The following GATAD1 variants were observed in gnomAD, a reference collection of about 807,000 sequenced individuals.
GATAD1 encodes the protein GATA zinc finger domain-containing protein 1.
Under a neutral mutation model 26.5 loss-of-function variants are expected in GATAD1, and 12 were observed. The observed-to-expected ratio is 0.45, with a 90% confidence interval of 0.29 to 0.73. The LOEUF is 0.73. Ranked by LOEUF, GATAD1 falls within the 30% of genes least tolerant of loss-of-function variation. The probability of loss-of-function intolerance (pLI) is 0.10; values close to 1 mark genes in which losing one functional copy is unlikely to be tolerated. For missense variants in GATAD1, 266 were observed against 342.1 expected (o/e 0.78, Z 1.75); for synonymous variants, 129 against 133.1 (o/e 0.97, Z 0.21).
chr7:92,462,001 A>G (rs1293091607), downstream of GATAD1, among the ~76,000 whole-genome samples: 2 of 152,182 alleles, frequency 1.3e-5, no homozygotes, highest in African/African-American at 4.8e-5. Flanking sequence ...GGGACACCCT[A>G]TCCAGCTGGT....
chr7:92,487,550 A>G, the GATAD1 span: 1 of 1,381,142 alleles, frequency 7.2e-7, no homozygotes, highest in Non-Finnish European at 1.0e-6. Flanking sequence ...ATCTGAAAAA[A>G]GAAAGAGATA....
chr7:92,467,504 G>A, the GATAD1 span, among the ~76,000 whole-genome samples: 1 of 152,224 alleles, frequency 6.6e-6, no homozygotes, highest in Non-Finnish European at 1.5e-5. Context: ...GAGGAAGGAT[G>A]TGGGCCAACT....
rs1357626773 is a variant in GATAD1 at position 92,454,539 on chromosome 7, T to C, written c.473T>C (p.Ile158Thr). 4 of 1,612,936 alleles carry C rather than the reference T, an allele frequency of 2.5e-6. No homozygotes were observed. The highest frequency in any genetic ancestry group is 2.7e-5 in the African/African-American group (2 of 74,912). Residue 158 changes from isoleucine (I) to threonine (T), a missense_variant, in exon 4 of 5, where the codon ATT becomes ACT. Transcript: ENST00000287957. ...YYQIGDVVSVIDEQDGKPYYA... is the reference protein window; with the variant it reads ...YYQIGDVVSVTDEQDGKPYYA... ...CAAATTGGTGATGTTGTTTCTGTGATTGATGAACAAGATGGAAAGCCCTAC... is the reference window on the plus strand; with the variant it reads ...CAAATTGGTGATGTTGTTTCTGTGACTGATGAACAAGATGGAAAGCCCTAC...
chr7:92,479,296 G>A, the GATAD1 span, among the ~76,000 whole-genome samples: 11 of 152,282 alleles, frequency 7.2e-5, no homozygotes, highest in African/African-American at 2.6e-4. Flanking sequence ...CAAAAAAGGA[G>A]TCAGCTAAGG....
At chr7:92,488,460 A>G in the GATAD1 span, among the ~76,000 whole-genome samples, 1 of 152,222 alleles carries the variant, frequency 6.6e-6, no homozygotes, top group Admixed American at 6.5e-5. Context: ...ACACTGAATC[A>G]TTGACCTAGA....
the GATAD1 span, chr7:92,470,680 T>C: frequency 3.8e-6 from 1 of 262,360 alleles, no homozygotes; most frequent in Non-Finnish European, 7.7e-6. Flanking sequence ...TTCTTTTCCC[T>C]CTTCTCAGGG....
intron 2 of GATAD1, 114 bp downstream of exon 2, chr7:92,448,991 ATTC>A: frequency 8.4e-7 from 1 of 1,194,044 alleles, no homozygotes; most frequent in Non-Finnish European, 1.2e-6. Context: ...CTTCCTTAGT[ATTC>A]TGGGGAATGG....
intron 2 of GATAD1, chr7:92,449,186 G>A: frequency 1.6e-5 from 17 of 1,039,738 alleles, no homozygotes; most frequent in Non-Finnish European, 2.0e-5. Flanking sequence ...AAAGGAAGAG[G>A]AGAGATTATG....
the GATAD1 span, among the ~76,000 whole-genome samples, chr7:92,483,836 C>T: frequency 6.6e-6 from 1 of 151,980 alleles, no homozygotes; most frequent in Non-Finnish European, 1.5e-5. Context: ...GGAGCAGAGG[C>T]TGAGGAAGAA....
Position 92,456,798 on chromosome 7 carries a change from C to G in GATAD1, c.*236C>G. Reference sequence around the variant, plus strand: ...GACTAAAAAGTTTTTCTCCTGCTACCTAGTAATAAACAAATCATTGTTTAT... The same window carrying G: ...GACTAAAAAGTTTTTCTCCTGCTACGTAGTAATAAACAAATCATTGTTTAT... On this transcript the variant is annotated 3_prime_UTR_variant, in exon 5 of 5. Transcript: ENST00000287957. The G allele has an allele frequency of 2.3e-6, 1 of 436,930 alleles. No homozygotes were observed. The highest frequency in any genetic ancestry group is 4.0e-6 in the Non-Finnish European group (1 of 250,592). The allele number at this position is 436,930 out of a possible 1,614,324, so 27.1% of individuals were successfully genotyped here.
chr7:92,467,851 C>T, the GATAD1 span, among the ~76,000 whole-genome samples: 29 of 152,212 alleles, frequency 1.9e-4, no homozygotes, highest in African/African-American at 6.0e-4. Context: ...GGCAGAAAAA[C>T]ACCTAGGAAT....
chr7:92,494,485 A>G, the GATAD1 span: 11 of 1,613,380 alleles, frequency 6.8e-6, no homozygotes, highest in South Asian at 1.2e-4. Flanking sequence ...TATAATTATT[A>G]CCCTGTAAGC....
At chr7:92,482,438 T>C in the GATAD1 span, among the ~76,000 whole-genome samples, 3 of 152,020 alleles carry the variant, frequency 2.0e-5, no homozygotes, top group Non-Finnish European at 4.4e-5. Flanking sequence ...ATGGGGGAAT[T>C]GTATGGAGAG....
chr7:92,448,702 G>A, intron 1 of GATAD1, 50 bp from the exon 2 acceptor site: 1 of 1,482,382 alleles, frequency 6.7e-7, no homozygotes, highest in Non-Finnish European at 9.4e-7. Context: ...CAACCTTTAT[G>A]CACTTTTTAC....
intron 3 of GATAD1, among the ~76,000 whole-genome samples, chr7:92,451,199 G>A (rs963009207): frequency 6.6e-6 from 1 of 152,144 alleles, no homozygotes; most frequent in Non-Finnish European, 1.5e-5. Flanking sequence ...GTGGAGTTGA[G>A]CTGAGTAAGG....
the GATAD1 span, chr7:92,469,866 G>A: frequency 1.3e-6 from 1 of 776,956 alleles, no homozygotes; most frequent in Admixed American, 1.7e-5. Flanking sequence ...GGAGCCCAGT[G>A]AGGGTGGTAT....
the GATAD1 span, among the ~76,000 whole-genome samples, chr7:92,481,958 TG>T: frequency 6.6e-6 from 1 of 152,160 alleles, no homozygotes; most frequent in East Asian, 1.9e-4. Context: ...ATTTGAGCTT[TG>T]GAGGGGGATA....
At chr7:92,462,203 A>G (rs1478555398), downstream of GATAD1, among the ~76,000 whole-genome samples, 1 of 152,216 alleles carries the variant, frequency 6.6e-6, no homozygotes, top group African/African-American at 2.4e-5. Context: ...ACCAGAAACA[A>G]TCTAAAGGTC....
At chr7:92,489,222 T>C in the GATAD1 span, 5 of 1,310,602 alleles carry the variant, frequency 3.8e-6, no homozygotes, top group Admixed American at 1.7e-5. Context: ...ACACGAACTT[T>C]AAAGGTTTAA....
Sources: gnomAD v4.1 joint callset for allele counts (sites outside exome capture counted in the v4.1 genomes callset) on GRCh38, gnomAD v4.1.1 for gene constraint, MANE v1.5 for transcripts, NCBI Gene and HGNC (gene_info 2026-07-23, HGNC 2026-07-21) for gene names.